ANO4: variants seen among roughly 807,000 people sequenced by gnomAD.
The protein encoded by ANO4 is anoctamin-4.
ANO4 carries 69 observed loss-of-function variants against 141.9 expected under a neutral mutation model. The observed-to-expected ratio is 0.49, with a 90% CI of 0.40 to 0.59. The LOEUF (loss-of-function observed/expected upper bound fraction) is 0.59. Among genes scored for constraint, ANO4 ranks in the 20% least tolerant of loss-of-function variants. The pLI is 0.00. For missense variants in ANO4, 894 were observed against 1,162.2 expected (o/e 0.77, Z 3.36); for synonymous variants, 350 against 394.3 (o/e 0.89, Z 1.33).
rs566332734 is a variant in ANO4 at position 100,893,549 on chromosome 12, A to G, written c.-140-8097A>G. On this transcript the variant is annotated intron_variant, in intron 1 of 27. Transcript: ENST00000392977. Reference sequence around the variant, plus strand: ...TGGCTAGTCGGGACATGTGCTTTTTATGATAATAGCAGAAGCAAAAGAGAC... The same window carrying G: ...TGGCTAGTCGGGACATGTGCTTTTTGTGATAATAGCAGAAGCAAAAGAGAC... Among the ~76,000 whole-genome samples the G allele has an allele frequency of 1.4e-3, 215 of 152,198 alleles. 2 individuals are homozygous for G. The highest frequency in any genetic ancestry group is 5.0e-3 in the African/African-American group (209 of 41,474).
At chr12:100,756,319 A>G (rs753446715) in intron 3 of ANO4, among the ~76,000 whole-genome samples, 15 of 152,184 alleles carry the variant, frequency 9.9e-5, no homozygotes, top group Non-Finnish European at 1.8e-4. Flanking sequence ...GAAGAAATTG[A>G]AGATACCATT....
intron 15 of ANO4, among the ~76,000 whole-genome samples, chr12:101,082,800 A>G (rs2049337842): frequency 6.6e-6 from 1 of 152,120 alleles, no homozygotes; most frequent in South Asian, 2.1e-4. Context: ...CCTTCATCCG[A>G]ATCTTGACCA....
rs564842820 is a variant in ANO4 at position 100,936,236 on chromosome 12, C to A, written c.161-3079C>A. Among the ~76,000 whole-genome samples the A allele has an allele frequency of 3.9e-5, 6 of 152,196 alleles. 1 individual carries two copies. Among genetic ancestry groups the A allele is most frequent in the Admixed American group, 1.3e-4 (2 of 15,280 alleles). Reference sequence around the variant, plus strand: ...TCCTTCTAGAATCAAATCCCTTGGGCTTTTCATGAAGAGTAGGAATTCTCA... The same window carrying A: ...TCCTTCTAGAATCAAATCCCTTGGGATTTTCATGAAGAGTAGGAATTCTCA... On this transcript the variant is annotated intron_variant, in intron 3 of 27. Coordinates refer to ENST00000392977, the MANE Select transcript of ANO4 (RefSeq NM_001286615.2).
chr12:100,873,032 A>G (rs1415171400), intron 1 of ANO4, among the ~76,000 whole-genome samples: 3 of 152,138 alleles, frequency 2.0e-5, no homozygotes, highest in Non-Finnish European at 4.4e-5. Flanking sequence ...TTCTTTGGCC[A>G]CATAAGACCA....
chr12:100,802,067 G>A (rs2034732330), intron 1 of ANO4, among the ~76,000 whole-genome samples: 2 of 152,084 alleles, frequency 1.3e-5, no homozygotes, highest in African/African-American at 2.4e-5. Flanking sequence ...AAGTGAAGCC[G>A]GGAAGTCTAA....
chr12:101,060,507 G>T (rs1375547259), intron 14 of ANO4, among the ~76,000 whole-genome samples: 1 of 152,114 alleles, frequency 6.6e-6, no homozygotes, highest in East Asian at 1.9e-4. Context: ...TTATTGTGTG[G>T]GAGTCTAAGT....
At chr12:101,052,733 G>A (rs1274536962) in intron 14 of ANO4, among the ~76,000 whole-genome samples, 1 of 150,766 alleles carries the variant, frequency 6.6e-6, no homozygotes, top group African/African-American at 2.5e-5. Flanking sequence ...TTATCTACAT[G>A]TTCCACAAAA....
chr12:100,990,195 A>G (rs2045026459), intron 8 of ANO4, among the ~76,000 whole-genome samples: 1 of 152,166 alleles, frequency 6.6e-6, no homozygotes, highest in African/African-American at 2.4e-5. Context: ...GAATATATGG[A>G]TAGATGGATG....
intron 1 of ANO4, among the ~76,000 whole-genome samples, chr12:100,880,321 T>A (rs1446127057): frequency 6.6e-6 from 1 of 152,202 alleles, no homozygotes; most frequent in Non-Finnish European, 1.5e-5. Context: ...TAATATTTAT[T>A]GAGCATTTGT....
chr12:100,855,567 C>G (rs1315334971), intron 1 of ANO4, among the ~76,000 whole-genome samples: 1 of 152,120 alleles, frequency 6.6e-6, no homozygotes, highest in Non-Finnish European at 1.5e-5. Context: ...TTGGTGTACT[C>G]TATCATACTT....
chr12:100,935,830 A>T (rs1316680087), intron 3 of ANO4, among the ~76,000 whole-genome samples: 1 of 152,184 alleles, frequency 6.6e-6, no homozygotes, highest in Non-Finnish European at 1.5e-5. Flanking sequence ...TTTTCTTCTT[A>T]GAGAATCAAT....
intron 5 of ANO4, among the ~76,000 whole-genome samples, chr12:100,947,005 G>A (rs60245023): frequency 0.019 from 2,878 of 152,282 alleles, 82 homozygotes; most frequent in African/African-American, 0.066. Flanking sequence ...GGCAAGAGAA[G>A]TTTCAGTGGA....
intron 1 of ANO4, among the ~76,000 whole-genome samples, chr12:100,798,500 C>A (rs559857996): frequency 3.3e-5 from 5 of 152,272 alleles, no homozygotes; most frequent in Admixed American, 3.3e-4. Flanking sequence ...GCTTCATGAG[C>A]TGTGTTGAAT....
At chr12:100,811,526 T>C (rs2035435331) in intron 1 of ANO4, among the ~76,000 whole-genome samples, 1 of 152,172 alleles carries the variant, frequency 6.6e-6, no homozygotes. Flanking sequence ...TTGGGCTGCT[T>C]ATAAGGATTC....
intron 1 of ANO4, among the ~76,000 whole-genome samples, chr12:100,854,255 T>G (rs1200000462): frequency 6.6e-6 from 1 of 152,202 alleles, no homozygotes; most frequent in Non-Finnish European, 1.5e-5. Context: ...CTGTAGCTGA[T>G]GAAAGAAGTC....
intron 8 of ANO4, among the ~76,000 whole-genome samples, chr12:100,993,092 G>A (rs1183454609): frequency 6.6e-6 from 1 of 152,108 alleles, no homozygotes; most frequent in Non-Finnish European, 1.5e-5. Context: ...GGGAGGTTGA[G>A]CTGGGAGGAT....
upstream of ANO4, among the ~76,000 whole-genome samples, chr12:100,790,004 T>A (rs1011798292): frequency 1.3e-5 from 2 of 152,170 alleles, no homozygotes; most frequent in Non-Finnish European, 2.9e-5. Flanking sequence ...TTTGGGGAAT[T>A]TGAGGATGGC....
chr12:100,812,817 G>C (rs186542328), intron 1 of ANO4, among the ~76,000 whole-genome samples: 93 of 152,304 alleles, frequency 6.1e-4, no homozygotes, highest in African/African-American at 2.2e-3. Flanking sequence ...AGCTTTGCAA[G>C]GCTGATTCTC....
chr12:100,742,540 G>A (rs1202168605), intron 3 of ANO4, among the ~76,000 whole-genome samples: 1 of 152,108 alleles, frequency 6.6e-6, no homozygotes, highest in East Asian at 1.9e-4. Context: ...ACAATTCTAA[G>A]CTATCTCTCT....
Sources: gnomAD v4.1 joint callset for allele counts (sites outside exome capture counted in the v4.1 genomes callset) on GRCh38, gnomAD v4.1.1 for gene constraint, MANE v1.5 for transcripts, NCBI Gene and HGNC (gene_info 2026-07-23, HGNC 2026-07-21) for gene names.